Variants in UBAP1 observed in about 807,000 individuals in gnomAD.
The protein encoded by UBAP1 is ubiquitin-associated protein 1.
In UBAP1, 5 loss-of-function variants were observed where a neutral mutation model predicts 39.0. That is an observed-to-expected ratio of 0.13 (90% CI 0.07 to 0.27). The LOEUF (loss-of-function observed/expected upper bound fraction) is 0.27, where lower values mean the gene tolerates loss of function less well. UBAP1 is among the 10% of genes least tolerant of loss of function. UBAP1 has a pLI of 1.00. For missense variants in UBAP1, 490 were observed against 608.1 expected, an observed-to-expected ratio of 0.81 and a Z score of 2.04; for synonymous variants, 211 against 225.1, an observed-to-expected ratio of 0.94 and a Z score of 0.56.
At chr9:34,184,133 C>G (rs943624096) in intron 1 of UBAP1, among the ~76,000 whole-genome samples, 4 of 152,032 alleles carry the variant, frequency 2.6e-5, no homozygotes, top group African/African-American at 9.7e-5. Flanking sequence ...TAGTGCTCTT[C>G]CAACCTGTAA....
At chr9:34,186,456 T>G (rs1174771646) in intron 1 of UBAP1, among the ~76,000 whole-genome samples, 1 of 152,300 alleles carries the variant, frequency 6.6e-6, no homozygotes, top group South Asian at 2.1e-4. Flanking sequence ...TCATGGTAAT[T>G]GTTAATCTTG....
At chr9:34,196,923 T>TGTGC (rs1260447878) in intron 1 of UBAP1, among the ~76,000 whole-genome samples, 2 of 151,716 alleles carry the variant, frequency 1.3e-5, no homozygotes, top group Non-Finnish European at 2.9e-5. Context: ...TGTGTGTGTG[T>TGTGC]GTGTGTGTGT....
At chr9:34,233,225 CTT>C (rs59367501) in intron 2 of UBAP1, among the ~76,000 whole-genome samples, 5 of 141,890 alleles carry the variant, frequency 3.5e-5, no homozygotes, top group African/African-American at 5.2e-5. Flanking sequence ...TCTTTCTCTT[CTT>C]TTTTTTTTTT....
At chr9:34,183,861 C>A (rs1327683099) in intron 1 of UBAP1, among the ~76,000 whole-genome samples, 1 of 151,338 alleles carries the variant, frequency 6.6e-6, no homozygotes, top group Admixed American at 6.6e-5. Flanking sequence ...ACTGCCGCCT[C>A]CCGGGTTCAA....
At chr9:34,202,170 C>A (rs529364048) in intron 1 of UBAP1, among the ~76,000 whole-genome samples, 1 of 151,972 alleles carries the variant, frequency 6.6e-6, no homozygotes, top group Non-Finnish European at 1.5e-5. Flanking sequence ...TGGGAGTCTC[C>A]GTCTTTTTCT....
chr9:34,247,100 T>C (rs1267788834), intron 4 of UBAP1, among the ~76,000 whole-genome samples: 2 of 152,192 alleles, frequency 1.3e-5, no homozygotes, highest in Non-Finnish European at 2.9e-5. Flanking sequence ...AAGAGCCTTA[T>C]ATATATTTGA....
intron 1 of UBAP1, among the ~76,000 whole-genome samples, chr9:34,194,735 T>G (rs1448595228): frequency 6.6e-6 from 1 of 152,240 alleles, no homozygotes; most frequent in African/African-American, 2.4e-5. Flanking sequence ...TTCTAAGCAC[T>G]TTGTATGCAT....
intron 1 of UBAP1, among the ~76,000 whole-genome samples, chr9:34,201,079 A>G (rs901496862): frequency 2.0e-5 from 3 of 151,758 alleles, no homozygotes; most frequent in Non-Finnish European, 4.4e-5. Context: ...ATGCCTGCCT[A>G]ATTTTTTGTA....
At chr9:34,205,094 G>T (rs1000365216) in intron 1 of UBAP1, among the ~76,000 whole-genome samples, 2 of 152,110 alleles carry the variant, frequency 1.3e-5, no homozygotes, top group African/African-American at 4.8e-5. Flanking sequence ...ACTGTTCACT[G>T]CAGCTTCGAC....
rs138890083 is a variant in UBAP1 at position 34,243,592 on chromosome 9, T to A, written c.1083+1484T>A. ...CCTCCACCTCCCAGGGTCGGGCGATTGTCCTGCCTCTCGCAGCCTGCCAAG... is the reference window on the plus strand; with the variant it reads ...CCTCCACCTCCCAGGGTCGGGCGATAGTCCTGCCTCTCGCAGCCTGCCAAG... On this transcript the variant is annotated intron_variant, in intron 4 of 6. Transcript: ENST00000297661. Among the ~76,000 whole-genome samples the A allele has an allele frequency of 1.1e-3, 164 of 152,136 alleles. 1 individual carries two copies. The highest frequency in any genetic ancestry group is 3.3e-3 in the African/African-American group (137 of 41,484).
intron 2 of UBAP1, chr9:34,223,906 G>T (rs527402122): frequency 5.9e-4 from 157 of 264,816 alleles, no homozygotes; most frequent in African/African-American, 3.2e-3. Context: ...TTTTGTTTTT[G>T]TTTTTTTGTT....
intron 2 of UBAP1, among the ~76,000 whole-genome samples, chr9:34,223,750 C>T (rs1310702160): frequency 2.0e-5 from 3 of 152,146 alleles, no homozygotes; most frequent in Admixed American, 6.5e-5. Flanking sequence ...CCACCGTGCC[C>T]GGCCCAAAGT....
At chr9:34,191,300 C>T (rs1168220704) in intron 1 of UBAP1, among the ~76,000 whole-genome samples, 2 of 152,044 alleles carry the variant, frequency 1.3e-5, no homozygotes, top group Non-Finnish European at 2.9e-5. Flanking sequence ...TGGGGTCTTG[C>T]TATGTTCCCT....
chr9:34,215,690 T>TA (rs531313913), intron 1 of UBAP1, among the ~76,000 whole-genome samples: 3 of 150,868 alleles, frequency 2.0e-5, no homozygotes, highest in Non-Finnish European at 4.4e-5. Context: ...AAATAAATAA[T>TA]AAAAAAAGGG....
intron 1 of UBAP1, among the ~76,000 whole-genome samples, chr9:34,183,276 G>A (rs1830189730): frequency 6.6e-6 from 1 of 151,772 alleles, no homozygotes; most frequent in African/African-American, 2.4e-5. Flanking sequence ...TGGCGCCATG[G>A]CTCATGCCTG....
chr9:34,226,470 C>T (rs1159467786), intron 2 of UBAP1, among the ~76,000 whole-genome samples: 1 of 152,126 alleles, frequency 6.6e-6, no homozygotes, highest in Admixed American at 6.6e-5. Flanking sequence ...CTCTTGACCT[C>T]AGGTGATCCA....
chr9:34,204,859 A>T (rs1831597275), intron 1 of UBAP1, among the ~76,000 whole-genome samples: 1 of 150,960 alleles, frequency 6.6e-6, no homozygotes. Context: ...ACCAGTCTTT[A>T]TTCAGTTGCA....
At chr9:34,231,127 ATGTGTG>A (rs6150983) in intron 2 of UBAP1, among the ~76,000 whole-genome samples, 4,312 of 137,046 alleles carry the variant, frequency 0.031, 228 homozygotes, top group African/African-American at 0.11. Context: ...TAAAAAAATT[ATGTGTG>A]TGTGTGTGTG....
At chr9:34,221,880 T>A (rs1463511900) in intron 2 of UBAP1, among the ~76,000 whole-genome samples, 1 of 152,148 alleles carries the variant, frequency 6.6e-6, no homozygotes, top group Non-Finnish European at 1.5e-5. Flanking sequence ...ATACCCTTTT[T>A]TCATACAGTA....
Sources: allele counts gnomAD v4.1 joint callset (sites outside exome capture counted in the v4.1 genomes callset), GRCh38; gene constraint gnomAD v4.1.1; transcripts MANE v1.5; gene names NCBI Gene and HGNC (gene_info 2026-07-23, HGNC 2026-07-21).